KCNMA1: variants seen among roughly 807,000 people sequenced by gnomAD.
KCNMA1 encodes potassium calcium-activated channel subfamily M alpha 1.
In KCNMA1, 29 loss-of-function variants were observed where a neutral mutation model predicts 140.0. The observed-to-expected ratio is 0.21, with a 90% CI of 0.15 to 0.28. The LOEUF (loss-of-function observed/expected upper bound fraction) is 0.28, where lower values mean the gene tolerates loss of function less well. Among genes scored for constraint, KCNMA1 ranks in the 10% least tolerant of loss-of-function variants. The pLI is 1.00. For missense variants in KCNMA1, 880 were observed against 1,602.2 expected (o/e 0.55, Z 7.70); for synonymous variants, 612 against 611.9 (o/e 1.00, Z 0.00).
chr10:77,518,020 T>C (rs2051229752), intron 1 of KCNMA1, among the ~76,000 whole-genome samples: 1 of 152,108 alleles, frequency 6.6e-6, no homozygotes, highest in Admixed American at 6.5e-5. Context: ...CCAGCCTCGT[T>C]CCCTCCCCAG....
At chr10:77,296,422 G>A (rs1347679370) in intron 2 of KCNMA1, among the ~76,000 whole-genome samples, 2 of 152,148 alleles carry the variant, frequency 1.3e-5, no homozygotes, top group Non-Finnish European at 2.9e-5. Context: ...AAATCTGTAA[G>A]ACAATAAATT....
At chr10:77,326,536 T>C in intron 2 of KCNMA1, among the ~76,000 whole-genome samples, 1 of 146,080 alleles carries the variant, frequency 6.8e-6, no homozygotes, top group Non-Finnish European at 1.6e-5. Context: ...GTGGTGGTGG[T>C]GGTGACAGTG....
chr10:76,915,800 A>C (rs538163180), intron 23 of KCNMA1, among the ~76,000 whole-genome samples: 2 of 152,038 alleles, frequency 1.3e-5, no homozygotes, highest in East Asian at 3.9e-4. Flanking sequence ...CCTTGCTCTT[A>C]AAAAGAAACA....
chr10:77,204,633 G>T (rs910871575), intron 3 of KCNMA1, among the ~76,000 whole-genome samples: 1 of 152,172 alleles, frequency 6.6e-6, no homozygotes, highest in Non-Finnish European at 1.5e-5. Context: ...AGCACATTCA[G>T]CATTAAGCAT....
At chr10:76,880,902 C>T (rs1366175527), downstream of KCNMA1, among the ~76,000 whole-genome samples, 5 of 152,170 alleles carry the variant, frequency 3.3e-5, no homozygotes, top group African/African-American at 1.2e-4. Context: ...GGTGGGAGGG[C>T]TTCCTCGCTG....
intron 20 of KCNMA1, among the ~76,000 whole-genome samples, chr10:76,959,535 A>G (rs1427135298): frequency 6.6e-6 from 1 of 152,214 alleles, no homozygotes; most frequent in Admixed American, 6.5e-5. Context: ...TGCCCTGAAT[A>G]CAGCATCTGA....
At chr10:77,485,508 C>T (rs946968708) in intron 1 of KCNMA1, among the ~76,000 whole-genome samples, 2 of 152,164 alleles carry the variant, frequency 1.3e-5, no homozygotes, top group Middle Eastern at 3.2e-3. Context: ...GTTAGCAAGC[C>T]CCTAGAGAAC....
intron 1 of KCNMA1, among the ~76,000 whole-genome samples, chr10:77,483,767 A>G (rs2098430039): frequency 6.6e-6 from 1 of 152,218 alleles, no homozygotes; most frequent in South Asian, 2.1e-4. Context: ...CCACACTGGA[A>G]CCATTCATGC....
At chr10:77,509,099 GTTTTGT>G (rs148765284) in intron 1 of KCNMA1, among the ~76,000 whole-genome samples, 16,558 of 134,498 alleles carry the variant, frequency 0.12, 1,538 homozygotes, top group East Asian at 0.53. Context: ...ATTTTGTTGG[GTTTTGT>G]TGTTGTTGTT....
intron 2 of KCNMA1, among the ~76,000 whole-genome samples, chr10:77,303,658 TCTGACCTTGC>T (rs898606962): frequency 6.6e-6 from 1 of 152,130 alleles, no homozygotes; most frequent in African/African-American, 2.4e-5. Context: ...CATGCTGTGC[TCTGACCTTGC>T]CTGACCTTGC....
chr10:77,234,826 C>T (rs990625063), intron 3 of KCNMA1, among the ~76,000 whole-genome samples: 1 of 152,180 alleles, frequency 6.6e-6, no homozygotes, highest in African/African-American at 2.4e-5. Flanking sequence ...GCAACCAAGC[C>T]TACCTGCCTT....
At chr10:77,602,073 G>A (rs1302276629) in intron 1 of KCNMA1, among the ~76,000 whole-genome samples, 3 of 152,158 alleles carry the variant, frequency 2.0e-5, no homozygotes, top group Admixed American at 1.3e-4. Flanking sequence ...TTGGTGGGAG[G>A]GGTCTTTTGA....
At chr10:77,634,064 C>T (rs1243042586) in intron 1 of KCNMA1, 3 of 728,532 alleles carry the variant, frequency 4.1e-6, no homozygotes, top group Admixed American at 6.3e-5. Context: ...AGAATTCAAT[C>T]CCCACATTTT....
chr10:77,174,553 A>C (rs1287169283), intron 5 of KCNMA1, among the ~76,000 whole-genome samples: 1 of 152,214 alleles, frequency 6.6e-6, no homozygotes, highest in Non-Finnish European at 1.5e-5. Context: ...GGATGGAGGA[A>C]CTGAGCTTTT....
In KCNMA1 at chr10:76,944,919, A is replaced by T. The variant is rs2063505210; in HGVS notation, c.2756T>A (p.Leu919His). The T allele has an allele frequency of 6.2e-7, 1 of 1,613,894 alleles. No homozygotes were observed. The highest frequency in any genetic ancestry group is 8.5e-7 in the Non-Finnish European group (1 of 1,179,980). The part of the protein sequence containing the change: ...RADLRAVNIN[L>H]CDMCVILSAN... Reference sequence around the variant, plus strand: ...TGACAGGATAACGCACATGTCACAGAGGTTGATGTTGACAGCCCTTAAATC... The same window carrying T: ...TGACAGGATAACGCACATGTCACAGTGGTTGATGTTGACAGCCCTTAAATC... The change falls in exon 23 of 28, where the codon CTC (leucine) becomes CAC (histidine). Residue 919 changes from leucine (L) to histidine (H), a missense_variant. Leu to His is a moderately conservative substitution (Grantham distance 99, BLOSUM62 -3). Transcript: ENST00000286628.
intron 14 of KCNMA1, among the ~76,000 whole-genome samples, chr10:77,046,271 T>C (rs2095049133): frequency 6.6e-6 from 1 of 152,180 alleles, no homozygotes; most frequent in Non-Finnish European, 1.5e-5. Context: ...ATATCAATTA[T>C]GCAATACATT....
intron 3 of KCNMA1, among the ~76,000 whole-genome samples, chr10:77,195,714 C>T (rs747522421): frequency 9.9e-5 from 15 of 152,048 alleles, no homozygotes; most frequent in East Asian, 3.9e-4. Flanking sequence ...TTTGGGAGGC[C>T]GAGGCAGGTG....
intron 3 of KCNMA1, among the ~76,000 whole-genome samples, chr10:77,213,335 A>T (rs1021804718): frequency 2.6e-5 from 4 of 152,140 alleles, no homozygotes; most frequent in African/African-American, 4.8e-5. Flanking sequence ...TTTGACTTTT[A>T]TACTCCACAG....
intron 14 of KCNMA1, among the ~76,000 whole-genome samples, chr10:77,059,101 A>G (rs1030750000): frequency 3.9e-4 from 59 of 152,146 alleles, no homozygotes; most frequent in African/African-American, 1.4e-3. Context: ...AAAAACTCAG[A>G]TAAATTAGAC....
Sources: allele counts gnomAD v4.1 joint callset (sites outside exome capture counted in the v4.1 genomes callset), GRCh38; gene constraint gnomAD v4.1.1; transcripts MANE v1.5; gene names NCBI Gene and HGNC (gene_info 2026-07-23, HGNC 2026-07-21).